The following SORCS1 variants were observed in gnomAD, a reference collection of about 807,000 sequenced individuals.
SORCS1 encodes the protein VPS10 domain-containing receptor SorCS1.
In SORCS1, 60 loss-of-function variants were observed where a neutral mutation model predicts 146.1. That is an observed-to-expected ratio of 0.41 (90% CI 0.33 to 0.51). The LOEUF is 0.51. SORCS1 is among the 20% of genes least tolerant of loss of function. The pLI is 0.21. For missense variants in SORCS1, 1,352 were observed against 1,487.6 expected, an observed-to-expected ratio of 0.91 and a Z score of 1.50; for synonymous variants, 637 against 584.0, an observed-to-expected ratio of 1.09 and a Z score of -1.31.
At chr10:106,747,075 G>A (rs967110508) in intron 5 of SORCS1, among the ~76,000 whole-genome samples, 36 of 152,162 alleles carry the variant, frequency 2.4e-4, no homozygotes, top group African/African-American at 8.4e-4. Flanking sequence ...TTTGTCTTCT[G>A]GGATTTAGCT....
chr10:107,004,142 C>T (rs953829555), intron 1 of SORCS1, among the ~76,000 whole-genome samples: 3 of 139,648 alleles, frequency 2.1e-5, no homozygotes, highest in African/African-American at 8.1e-5. Context: ...CGCCACTGCA[C>T]TCCAGCCTGG....
At chr10:106,748,063 C>T (rs1328064478) in intron 5 of SORCS1, among the ~76,000 whole-genome samples, 1 of 152,156 alleles carries the variant, frequency 6.6e-6, no homozygotes, top group Non-Finnish European at 1.5e-5. Context: ...ACATCTTGTA[C>T]ATCAGTAGGT....
chr10:106,632,507 C>A (rs1196914258), intron 18 of SORCS1, among the ~76,000 whole-genome samples: 1 of 152,166 alleles, frequency 6.6e-6, no homozygotes, highest in Non-Finnish European at 1.5e-5. Context: ...GAAGGCAGCC[C>A]AAGTCCTAAT....
At chr10:106,656,973 A>C (rs1012955324) in intron 17 of SORCS1, among the ~76,000 whole-genome samples, 10 of 152,204 alleles carry the variant, frequency 6.6e-5, no homozygotes, top group African/African-American at 2.4e-4. Flanking sequence ...TGTGCTGAAA[A>C]GAGAACGCTT....
At chr10:106,715,752 GCTT>G (rs1855321030) in intron 6 of SORCS1, among the ~76,000 whole-genome samples, 1 of 152,034 alleles carries the variant, frequency 6.6e-6, no homozygotes, top group Admixed American at 6.6e-5. Flanking sequence ...ACCTGAGGCA[GCTT>G]CTTTCTTTTT....
chr10:107,018,333 C>G (rs1020187797), intron 1 of SORCS1, among the ~76,000 whole-genome samples: 1 of 152,054 alleles, frequency 6.6e-6, no homozygotes, highest in Admixed American at 6.6e-5. Context: ...CGCCACCACG[C>G]CTGGCTAATT....
At chr10:107,145,687 T>C (rs928127211) in intron 1 of SORCS1, among the ~76,000 whole-genome samples, 3 of 152,178 alleles carry the variant, frequency 2.0e-5, no homozygotes, top group Non-Finnish European at 2.9e-5. Context: ...GTCAGACAAT[T>C]CAAATTTTGT....
intron 4 of SORCS1, among the ~76,000 whole-genome samples, chr10:106,769,940 A>G (rs1859884283): frequency 6.6e-6 from 1 of 152,146 alleles, no homozygotes; most frequent in African/African-American, 2.4e-5. Flanking sequence ...AAAAAATGCA[A>G]AAATTAGACA....
chr10:107,093,504 C>T (rs1964344625), intron 1 of SORCS1, among the ~76,000 whole-genome samples: 1 of 152,092 alleles, frequency 6.6e-6, no homozygotes, highest in Non-Finnish European at 1.5e-5. Context: ...GAAACCCTGT[C>T]TCTACTAAAA....
intron 5 of SORCS1, among the ~76,000 whole-genome samples, chr10:106,746,149 GA>G (rs1164628078): frequency 8.8e-5 from 13 of 147,478 alleles, no homozygotes; most frequent in South Asian, 2.1e-4. Context: ...CCTGGGTCAG[GA>G]AAAAAAAAAG....
chr10:106,972,104 G>T (rs915443052), intron 1 of SORCS1, among the ~76,000 whole-genome samples: 1 of 152,130 alleles, frequency 6.6e-6, no homozygotes, highest in Non-Finnish European at 1.5e-5. Context: ...GGTGGTTCAT[G>T]CCTGTAATCA....
chr10:106,613,660 G>A (rs1253297457), intron 21 of SORCS1, among the ~76,000 whole-genome samples: 2 of 152,152 alleles, frequency 1.3e-5, no homozygotes, highest in East Asian at 3.9e-4. Context: ...CCAGCATAGT[G>A]TTTGGCACAT....
intron 2 of SORCS1, among the ~76,000 whole-genome samples, chr10:106,892,288 A>G (rs757088033): frequency 6.6e-6 from 1 of 152,228 alleles, no homozygotes; most frequent in Non-Finnish European, 1.5e-5. Context: ...CACTTGTCTT[A>G]TTCGTAAACA....
chr10:107,035,396 A>T (rs1324064197), intron 1 of SORCS1, among the ~76,000 whole-genome samples: 2 of 152,134 alleles, frequency 1.3e-5, no homozygotes, highest in African/African-American at 4.8e-5. Flanking sequence ...CCATTACATG[A>T]TTAAATGAGA....
chr10:106,830,785 A>G (rs1042985368), intron 2 of SORCS1, among the ~76,000 whole-genome samples: 1 of 152,024 alleles, frequency 6.6e-6, no homozygotes, highest in Non-Finnish European at 1.5e-5. Context: ...AGTCCGAGCT[A>G]CTTGGGAGGC....
chr10:106,644,488 T>A (rs972885661), intron 18 of SORCS1, among the ~76,000 whole-genome samples: 2 of 151,982 alleles, frequency 1.3e-5, no homozygotes, highest in Non-Finnish European at 2.9e-5. Context: ...TGCCTCAACC[T>A]CCCAAGTAGC....
chr10:106,797,871 C>T (rs1052853032), intron 3 of SORCS1, among the ~76,000 whole-genome samples: 4 of 152,108 alleles, frequency 2.6e-5, no homozygotes, highest in African/African-American at 9.7e-5. Context: ...CCACATAATC[C>T]TCTAAAATGT....
intron 2 of SORCS1, among the ~76,000 whole-genome samples, chr10:106,870,835 A>G (rs1277799008): frequency 1.3e-5 from 2 of 152,122 alleles, no homozygotes; most frequent in Non-Finnish European, 2.9e-5. Flanking sequence ...AACATTGACA[A>G]ATTGAATCTA....
At chr10:107,083,868 T>C (rs974869604) in intron 1 of SORCS1, among the ~76,000 whole-genome samples, 4 of 152,252 alleles carry the variant, frequency 2.6e-5, no homozygotes, top group Non-Finnish European at 2.9e-5. Context: ...GGTTTGAACA[T>C]GACACCAAGG....
Sources: gnomAD v4.1 joint callset for allele counts (sites outside exome capture counted in the v4.1 genomes callset) on GRCh38, gnomAD v4.1.1 for gene constraint, MANE v1.5 for transcripts, NCBI Gene and HGNC (gene_info 2026-07-23, HGNC 2026-07-21) for gene names.